CNTN3: variants seen among roughly 807,000 people sequenced by gnomAD.
CNTN3 encodes the protein contactin-3.
In CNTN3, 60 loss-of-function variants were observed where a neutral mutation model predicts 119.1. The observed-to-expected ratio is 0.50, with a 90% confidence interval of 0.41 to 0.62. The LOEUF (loss-of-function observed/expected upper bound fraction) is 0.62, where lower values mean the gene tolerates loss of function less well. CNTN3 is among the 20% of genes least tolerant of loss of function. The pLI, the probability that CNTN3 is intolerant of heterozygous loss-of-function variation, is 0.00. For missense variants in CNTN3, 1,101 were observed against 1,242.4 expected (o/e 0.89, Z 1.71); for synonymous variants, 450 against 438.7 (o/e 1.03, Z -0.32).
rs917448928 is a variant in CNTN3 at position 74,364,336 on chromosome 3, G to A, written c.1213+131C>T. 3.7e-6 allele frequency: 3 copies of A among 801,222 alleles called. No individual in the cohort carries two copies. In the Admixed American group the frequency reaches 8.5e-5, roughly 23 times the overall value. The allele number at this position is 801,222 out of a possible 1,614,324, so 49.6% of individuals were successfully genotyped here. A position where few individuals can be genotyped will look rare whatever the true frequency, so the allele number is the denominator to read the frequency against. ...GGTATGCCTTGATTAGAAACTGAAT[G>A]ATCGTGTTGTAATACTGTAGATATT... On this transcript the variant is annotated intron_variant, in intron 10 of 22. Coordinates refer to ENST00000263665, the MANE Select transcript of CNTN3 (RefSeq NM_020872.3).
intron 13 of CNTN3, among the ~76,000 whole-genome samples, chr3:74,317,697 G>A (rs1256180053): frequency 3.3e-5 from 5 of 152,134 alleles, no homozygotes; most frequent in South Asian, 2.1e-4. Context: ...GAGTTTCTGT[G>A]GAGAGATCAG....
chr3:74,456,240 C>T (rs1421235551), intron 4 of CNTN3, among the ~76,000 whole-genome samples: 3 of 143,222 alleles, frequency 2.1e-5, no homozygotes, highest in Non-Finnish European at 4.7e-5. Flanking sequence ...GAGCTATCTA[C>T]TGAAAAAAAA....
At chr3:74,269,514 C>A (rs2106747399) in intron 20 of CNTN3, among the ~76,000 whole-genome samples, 1 of 152,114 alleles carries the variant, frequency 6.6e-6, no homozygotes, top group South Asian at 2.1e-4. Flanking sequence ...TTTACTTAAT[C>A]CTCATTATAT....
At chr3:74,394,779 C>T (rs375822858) in intron 5 of CNTN3, among the ~76,000 whole-genome samples, 31 of 151,416 alleles carry the variant, frequency 2.0e-4, no homozygotes, top group African/African-American at 6.8e-4. Context: ...AAAACCACTG[C>T]TTTCTTTCAA....
chr3:74,361,697 T>G (rs540603997), intron 11 of CNTN3, among the ~76,000 whole-genome samples, 193 bp downstream of exon 11: 9 of 152,188 alleles, frequency 5.9e-5, no homozygotes, highest in Non-Finnish European at 1.2e-4. Context: ...ATATATTTTC[T>G]GTGTTTAGAT....
chr3:74,423,367 T>C (rs570885798), intron 5 of CNTN3, among the ~76,000 whole-genome samples: 1 of 152,302 alleles, frequency 6.6e-6, no homozygotes, highest in Admixed American at 6.5e-5. Flanking sequence ...TCAGAAATGG[T>C]TGACCCTTCA....
intron 11 of CNTN3, among the ~76,000 whole-genome samples, chr3:74,344,639 T>C (rs964309089): frequency 1.3e-5 from 2 of 151,978 alleles, no homozygotes; most frequent in Non-Finnish European, 2.9e-5. Context: ...TTTTGTATTT[T>C]TAGTATAGAC....
At chr3:74,607,311 G>A (rs192896886) in intron 1 of CNTN3, among the ~76,000 whole-genome samples, 5 of 152,290 alleles carry the variant, frequency 3.3e-5, no homozygotes, top group Admixed American at 3.3e-4. Flanking sequence ...CAAGTGAGTA[G>A]CAGGCATCAG....
intron 1 of CNTN3, among the ~76,000 whole-genome samples, chr3:74,565,582 T>C (rs568998066): frequency 6.6e-6 from 1 of 152,250 alleles, no homozygotes; most frequent in African/African-American, 2.4e-5. Context: ...TCGGGGACCA[T>C]TATTCAACCT....
Position 74,400,346 on chromosome 3 carries a change from T to C in CNTN3, c.454+24499A>G, listed in dbSNP as rs183395703. The stretch of plus-strand genomic sequence containing the variant: ...ACCAAAGTTCAGAGCTGTTGTTAAA[T>C]TGCTTTCTCGAGGAACGGCACCGTC... On this transcript the variant is annotated intron_variant, in intron 5 of 22. Transcript: ENST00000263665. Among the ~76,000 whole-genome samples, 92 of 152,306 alleles carry C rather than the reference T, an allele frequency of 6.0e-4. 1 individual carries two copies. Among genetic ancestry groups the C allele is most frequent in the Admixed American group, 5.8e-3 (89 of 15,300 alleles).
intron 1 of CNTN3, among the ~76,000 whole-genome samples, chr3:74,541,985 G>C (rs1414965332): frequency 2.0e-5 from 3 of 152,114 alleles, no homozygotes; most frequent in African/African-American, 7.2e-5. Flanking sequence ...TGTAACACCA[G>C]CACTTGGGAA....
At chr3:74,273,077 T>C (rs1456700527) in intron 20 of CNTN3, among the ~76,000 whole-genome samples, 1 of 152,104 alleles carries the variant, frequency 6.6e-6, no homozygotes, top group Non-Finnish European at 1.5e-5. Context: ...TTGGAAAACT[T>C]TGCAATAATG....
intron 3 of CNTN3, among the ~76,000 whole-genome samples, chr3:74,488,824 A>G (rs1702908344): frequency 6.6e-6 from 1 of 152,228 alleles, no homozygotes. Context: ...AAAATTAGAA[A>G]GAAAAATCTG....
chr3:74,552,257 C>T lies in CNTN3; in HGVS notation c.-80-31065G>A, dbSNP rs116782477. On this transcript the variant is annotated intron_variant, in intron 1 of 22. Coordinates refer to ENST00000263665, the MANE Select transcript of CNTN3 (RefSeq NM_020872.3). ...TGATTATGACTAAAGCTGCCATAAA[C>T]GTCCATGTGGATATTTTCGTGTGGA... 5.5e-3 allele frequency among the ~76,000 whole-genome samples: 845 copies of T among 152,304 alleles called. 4 individuals are homozygous for T. The highest frequency in any genetic ancestry group is 0.019 in the African/African-American group (801 of 41,548).
At chr3:74,295,053 G>A in intron 19 of CNTN3, 68 bp downstream of exon 19, 2 of 1,092,044 alleles carry the variant, frequency 1.8e-6, no homozygotes, top group South Asian at 3.0e-5. Flanking sequence ...ATTGTTAAGG[G>A]TTTTAAATTC....
intron 1 of CNTN3, among the ~76,000 whole-genome samples, chr3:74,522,494 T>C (rs1575806362): frequency 6.6e-6 from 1 of 151,960 alleles, no homozygotes; most frequent in East Asian, 2.0e-4. Context: ...ACAAAATGAA[T>C]TCAAGTGCAA....
chr3:74,521,404 T>C (rs1368769593), intron 1 of CNTN3, among the ~76,000 whole-genome samples: 1 of 151,222 alleles, frequency 6.6e-6, no homozygotes, highest in Non-Finnish European at 1.5e-5. Context: ...AACGATCTTA[T>C]AGAATTTGAA....
At chr3:74,386,672 T>C (rs1704751940) in intron 5 of CNTN3, among the ~76,000 whole-genome samples, 1 of 152,212 alleles carries the variant, frequency 6.6e-6, no homozygotes, top group Non-Finnish European at 1.5e-5. Context: ...AGGGAAAGAT[T>C]CCTTTCCTCT....
At chr3:74,529,490 T>C (rs1002720892) in intron 1 of CNTN3, among the ~76,000 whole-genome samples, 1 of 148,346 alleles carries the variant, frequency 6.7e-6, no homozygotes, top group African/African-American at 2.4e-5. Context: ...TGTTTTTATA[T>C]AGTTATCAAA....
Sources: allele counts gnomAD v4.1 joint callset (sites outside exome capture counted in the v4.1 genomes callset), GRCh38; gene constraint gnomAD v4.1.1; transcripts MANE v1.5; gene names NCBI Gene and HGNC (gene_info 2026-07-23, HGNC 2026-07-21).